Variants in NFASC observed in about 807,000 individuals in gnomAD.
NFASC encodes the protein neurofascin.
NFASC carries 43 observed loss-of-function variants against 147.5 expected under a neutral mutation model. The observed-to-expected ratio is 0.29, with a 90% CI of 0.23 to 0.38. The LOEUF (loss-of-function observed/expected upper bound fraction) is 0.38, where lower values mean the gene tolerates loss of function less well. Ranked by LOEUF, NFASC falls within the 10% of genes least tolerant of loss-of-function variation. The pLI, the probability that NFASC is intolerant of heterozygous loss-of-function variation, is 1.00. For synonymous variants in NFASC, 622 were observed against 665.5 expected (o/e 0.93, Z 1.01); for missense variants, 1,320 against 1,689.0 (o/e 0.78, Z 3.83).
intron 1 of NFASC, among the ~76,000 whole-genome samples, chr1:204,892,936 C>A (rs1011297307): frequency 6.6e-6 from 1 of 152,180 alleles, no homozygotes. Flanking sequence ...ATGGCTACAG[C>A]AAAGCAAAAC....
chr1:204,930,873 G>A (rs1255483919), intron 2 of NFASC, among the ~76,000 whole-genome samples: 2 of 152,230 alleles, frequency 1.3e-5, no homozygotes, highest in Non-Finnish European at 2.9e-5. Context: ...GGGGATATAG[G>A]AGGGCAGATG....
rs1471696878 is a variant in NFASC at position 204,979,713 on chromosome 1, A to G, written c.2176+154A>G. Among the ~76,000 whole-genome samples, 4 of 152,216 alleles carry G rather than the reference A, an allele frequency of 2.6e-5. No homozygotes were observed. The highest frequency in any genetic ancestry group is 2.1e-4 in the South Asian group (1 of 4,838). On this transcript the variant is annotated intron_variant, in intron 19 of 29. Transcript: ENST00000339876. This position sits in a 1 kb window ranked among gnomAD's most constrained non-coding sequence, Gnocchi z 6.0. Reference sequence around the variant, plus strand: ...GGCAGAGAGTAATAATAACACCTACATCACAGAGCTGTTGTGAACATTTGA... The same window carrying G: ...GGCAGAGAGTAATAATAACACCTACGTCACAGAGCTGTTGTGAACATTTGA...
chr1:204,909,489 A>T (rs958541028), intron 1 of NFASC, among the ~76,000 whole-genome samples: 2 of 152,158 alleles, frequency 1.3e-5, no homozygotes, highest in Non-Finnish European at 2.9e-5. Flanking sequence ...TTCTTCACAT[A>T]TTCTAGAACT....
intron 1 of NFASC, among the ~76,000 whole-genome samples, chr1:204,914,630 C>T (rs1045959755): frequency 3.3e-5 from 5 of 152,112 alleles, no homozygotes; most frequent in Non-Finnish European, 5.9e-5. Context: ...GTAAGAGAAC[C>T]ACAAAGGAGA....
intron 1 of NFASC, among the ~76,000 whole-genome samples, chr1:204,879,954 G>A (rs958372246): frequency 6.6e-6 from 1 of 152,204 alleles, no homozygotes; most frequent in Non-Finnish European, 1.5e-5. Context: ...TGTGGGCACA[G>A]CTGGTGGTGC....
chr1:204,835,008 G>A (rs935201867), intron 1 of NFASC, among the ~76,000 whole-genome samples: 6 of 152,076 alleles, frequency 3.9e-5, no homozygotes, highest in Non-Finnish European at 8.8e-5. Flanking sequence ...TGCTATTTGG[G>A]TCAGCGTTAC....
chr1:205,009,561 C>T lies in NFASC; in HGVS notation c.3294C>T (p.Tyr1098=). The part of the protein sequence containing the change: ...TVITFMTSTA[Y]TNNQADIATQ... ...GCTTCCGGCCCTCCCCGCCAGCTTA[C>T]ACCAACAACCAAGCGGACATCGCCA... Residue 1098 remains tyrosine (Y), a synonymous_variant, in exon 28 of 30, where the codon TAC becomes TAT. Coordinates refer to ENST00000339876, the MANE Select transcript of NFASC (RefSeq NM_001005388.3). The T allele has an allele frequency of 6.2e-7, 1 of 1,614,140 alleles. No homozygotes were observed. Among genetic ancestry groups the T allele is most frequent in the Non-Finnish European group, 8.5e-7 (1 of 1,180,002 alleles).
Position 204,987,632 on chromosome 1 carries a change from G to C in NFASC, c.2593+92G>C. ...CCTAAGGACTCAAGGTAGAAAGCCT[G>C]TGGGTGCAGATGGCATTGTGGAGGG... is the stretch of plus-strand genomic sequence containing the variant. On this transcript the variant is annotated intron_variant, in intron 22 of 29. Transcript: ENST00000339876. The surrounding 1 kb of genome is among the most constrained non-coding windows in gnomAD (Gnocchi z 4.4). The C allele has an allele frequency of 6.7e-7, 1 of 1,488,766 alleles. No homozygotes were observed. Among genetic ancestry groups the C allele is most frequent in the Non-Finnish European group, 9.3e-7 (1 of 1,078,646 alleles). The allele number at this position is 1,488,766 out of a possible 1,614,324, so 92.2% of individuals were successfully genotyped here.
intron 1 of NFASC, among the ~76,000 whole-genome samples, chr1:204,852,162 G>C (rs74694184): frequency 0.015 from 2,217 of 152,274 alleles, 65 homozygotes; most frequent in African/African-American, 0.051. Context: ...ATTGGAAGGA[G>C]CATTAGCGAT....
chr1:204,858,248 T>G lies in NFASC; in HGVS notation c.-200+29466T>G, dbSNP rs562825111. The stretch of plus-strand genomic sequence containing the variant: ...TCTCCTCTTCTTATAAGGATGCCAG[T>G]CATATTGGATTAAGGCCTACCCATG... On this transcript the variant is annotated intron_variant, in intron 1 of 29. Transcript: ENST00000339876. Among the ~76,000 whole-genome samples the G allele has an allele frequency of 2.7e-4, 41 of 152,180 alleles. 1 individual carries two copies. The South Asian group carries it at 5.0e-3, about 18-fold the overall frequency.
chr1:204,896,068 C>G (rs2083326527), intron 1 of NFASC, among the ~76,000 whole-genome samples: 1 of 152,208 alleles, frequency 6.6e-6, no homozygotes, highest in Admixed American at 6.5e-5. Flanking sequence ...TGCCCACTCT[C>G]TGGCCTGGAA....
At chr1:204,921,472 C>T (rs1238509607) in intron 2 of NFASC, among the ~76,000 whole-genome samples, 1 of 152,146 alleles carries the variant, frequency 6.6e-6, no homozygotes, top group African/African-American at 2.4e-5. Context: ...GGCATCTCTA[C>T]CTCATCGAAG....
intron 2 of NFASC, among the ~76,000 whole-genome samples, chr1:204,927,946 G>T (rs1278158640): frequency 3.9e-5 from 6 of 152,228 alleles, no homozygotes; most frequent in Non-Finnish European, 8.8e-5. Flanking sequence ...TTCTTGAATT[G>T]TAGAGAGGTG....
chr1:204,949,321 G>C (rs1210416002), intron 3 of NFASC, among the ~76,000 whole-genome samples: 1 of 152,080 alleles, frequency 6.6e-6, no homozygotes, highest in South Asian at 2.1e-4. Flanking sequence ...TCTCCAGGCT[G>C]CCCTCTCTAA....
At chr1:204,830,010 TG>T (rs1671761810) in intron 1 of NFASC, among the ~76,000 whole-genome samples, 1 of 22,196 alleles carries the variant, frequency 4.5e-5, no homozygotes, top group African/African-American at 7.8e-5. Context: ...GCATGGGGTG[TG>T]TGTGTGTGTG....
intron 8 of NFASC, chr1:204,962,284 C>T (rs1305359097): frequency 5.0e-6 from 4 of 797,764 alleles, no homozygotes; most frequent in Admixed American, 2.0e-5. Context: ...GCCAAGGTGA[C>T]ACCTCCAGAA....
intron 2 of NFASC, among the ~76,000 whole-genome samples, chr1:204,933,197 G>T (rs1262244257): frequency 6.6e-6 from 1 of 152,210 alleles, no homozygotes; most frequent in Non-Finnish European, 1.5e-5. Flanking sequence ...AAAGTCACTG[G>T]AATAGCAGCA....
chr1:204,842,320 A>G lies in NFASC; in HGVS notation c.-200+13538A>G, dbSNP rs146058650. Among the ~76,000 whole-genome samples, 9 of 152,324 alleles carry G rather than the reference A, an allele frequency of 5.9e-5. No homozygotes were observed. The East Asian group carries it at 1.7e-3, about 29-fold the overall frequency. Reference sequence around the variant, plus strand: ...CAGGGCCAGTTTTACACCACCCAGAACTTTCTTAAGCTTTGCTTATGAATT... The same window carrying G: ...CAGGGCCAGTTTTACACCACCCAGAGCTTTCTTAAGCTTTGCTTATGAATT... On this transcript the variant is annotated intron_variant, in intron 1 of 29. Transcript: ENST00000339876.
intron 1 of NFASC, among the ~76,000 whole-genome samples, chr1:204,891,819 G>A (rs1161945936): frequency 6.6e-6 from 1 of 152,194 alleles, no homozygotes; most frequent in East Asian, 1.9e-4. Context: ...CCAGAGGAAG[G>A]ACACAGAGAT....
Sources: gnomAD v4.1 joint callset for allele counts (sites outside exome capture counted in the v4.1 genomes callset) on GRCh38, gnomAD v4.1.1 for gene constraint, Gnocchi (gnomAD v3.1) non-coding constraint, MANE v1.5 for transcripts, NCBI Gene and HGNC (gene_info 2026-07-23, HGNC 2026-07-21) for gene names.